Variants in SF3A2 observed in about 807,000 individuals in gnomAD.
SF3A2 encodes the protein splicing factor 3a subunit 2, also known as SAP 62.
SF3A2 carries 5 observed loss-of-function variants against 31.1 expected under a neutral mutation model. That is an observed-to-expected ratio of 0.16 (90% CI 0.08 to 0.34). SF3A2 has a LOEUF of 0.34. SF3A2 is among the 10% of genes least tolerant of loss of function. The pLI, the probability that SF3A2 is intolerant of heterozygous loss-of-function variation, is 1.00. For synonymous variants in SF3A2, 365 were observed against 263.7 expected, an observed-to-expected ratio of 1.38 and a Z score of -3.72; for missense variants, 577 against 643.9, an observed-to-expected ratio of 0.90 and a Z score of 1.13.
chr19:2,246,775 G>C lies in SF3A2; in HGVS notation c.378G>C (p.Glu126Asp). The change falls in exon 6 of 9, where the codon GAG becomes GAC. Residue 126 changes from glutamate to aspartate, a missense_variant. Transcript: ENST00000221494. The surrounding 1 kb of genome is among the most constrained non-coding windows in gnomAD (Gnocchi z 5.5). ...CAGTGACCAAGCAGAGAGACTCGGA[G>C]ATGGGCCAGCAGAGCCTCCTCTTCC... The part of the protein sequence containing the change: ...GYKVTKQRDS[E>D]MGQQSLLFQI... 2 of 1,614,000 alleles carry C rather than the reference G, an allele frequency of 1.2e-6. No individual in the cohort carries two copies. The highest frequency in any genetic ancestry group is 1.7e-6 in the Non-Finnish European group (2 of 1,179,984).
rs1248288350 is a variant in SF3A2, at chr19:2,245,694, C to G, written c.355+139C>G. The G allele has an allele frequency of 1.5e-6, 1 of 666,592 alleles. No individual in the cohort carries two copies. Among genetic ancestry groups the G allele is most frequent in the Non-Finnish European group, 2.7e-6 (1 of 371,972 alleles). The allele number at this position is 666,592 out of a possible 1,614,324, so 41.3% of individuals were successfully genotyped here. A position where few individuals can be genotyped will look rare whatever the true frequency, so the allele number is the denominator to read the frequency against. On this transcript the variant is annotated intron_variant, in intron 5 of 8. Coordinates refer to ENST00000221494, the MANE Select transcript of SF3A2 (RefSeq NM_007165.5). This position sits in a 1 kb window ranked among gnomAD's most constrained non-coding sequence, Gnocchi z 4.2. ...TCCGGCCTTGGTGGCCGTCCCTCACCCACCTGCAGCCTCTGGCGTTGTGTC... is the reference window on the plus strand; with the variant it reads ...TCCGGCCTTGGTGGCCGTCCCTCACGCACCTGCAGCCTCTGGCGTTGTGTC...
Position 2,248,644 on chromosome 19 carries a change from C to T in SF3A2, c.*98C>T. On this transcript the variant is annotated 3_prime_UTR_variant, in exon 9 of 9. Coordinates refer to ENST00000221494, the MANE Select transcript of SF3A2 (RefSeq NM_007165.5). ...TTTGTACTGCCCCCCGCTCATTAAA[C>T]AGCCTCCCCCAGCCCTGAGTGCACT... 1 of 409,962 alleles carries T rather than the reference C, an allele frequency of 2.4e-6. No individual in the cohort carries two copies. The highest frequency in any genetic ancestry group is 9.5e-5 in the South Asian group (1 of 10,580). 25.4% of individuals were successfully genotyped at this position (409,962 alleles called of 1,614,324 possible).
intron 1 of SF3A2, among the ~76,000 whole-genome samples, chr19:2,240,938 C>T (rs1029956088): frequency 1.3e-5 from 2 of 152,216 alleles, no homozygotes; most frequent in African/African-American, 2.4e-5. Context: ...TCCTCCTGGG[C>T]CCTGGGTCCT....
At position 2,243,435 on chromosome 19, in the gene SF3A2, G is replaced by A; in HGVS notation, c.17G>A (p.Arg6His). The change falls in exon 2 of 9, where the codon CGC (arginine) becomes CAC (histidine). Residue 6 changes from arginine to histidine, a missense_variant. By Grantham distance (29) the Arg-to-His change is conservative (BLOSUM62 0). This residue lies in a region of SF3A2 where 40 missense variants were observed against 50.0 expected (regional missense o/e 0.80). Coordinates refer to ENST00000221494, the MANE Select transcript of SF3A2 (RefSeq NM_007165.5). ...GCCATCACCATGGACTTCCAGCATC[G>A]CCCCGGGGGCAAGACCGGGAGCGGG... is the stretch of plus-strand genomic sequence containing the variant. MDFQH[R>H]PGGKTGSGGV... The A allele has an allele frequency of 6.5e-7, 1 of 1,544,768 alleles. No homozygotes were observed. Among genetic ancestry groups the A allele is most frequent in the Non-Finnish European group, 8.7e-7 (1 of 1,152,160 alleles).
chr19:2,247,507 G>A (rs1599654730), intron 7 of SF3A2, 87 bp from the exon 8 acceptor site: 7 of 1,365,820 alleles, frequency 5.1e-6, no homozygotes, highest in Non-Finnish European at 7.3e-6. Flanking sequence ...AGTCCGGGCT[G>A]GGGAGGCTAG....
Position 2,246,832 on chromosome 19 carries a change from G to A in SF3A2, c.405+30G>A, listed in dbSNP as rs372297343. 41 of 1,613,444 alleles carry A rather than the reference G, an allele frequency of 2.5e-5. No individual in the cohort carries two copies. Among genetic ancestry groups the A allele is most frequent in the African/African-American group, 8.0e-5 (6 of 74,896 alleles). On this transcript the variant is annotated intron_variant, in intron 6 of 8. Transcript: ENST00000221494. This position sits in a 1 kb window ranked among gnomAD's most constrained non-coding sequence, Gnocchi z 5.5. ...GATCAGGGACTTGGGCGTGGGGGGC[G>A]GCCAAAGGCACCCAAGAGGCGGCTC...
Position 2,248,105 on chromosome 19 carries a change from A to T in SF3A2, c.954A>T (p.Pro318=), listed in dbSNP as rs1240696629. The change falls in exon 9 of 9, where the codon CCA becomes CCT. Residue 318 remains proline, a synonymous_variant. Coordinates refer to ENST00000221494, the MANE Select transcript of SF3A2 (RefSeq NM_007165.5). ...CCCCAGCTCCTGGCGTCCATCCCCC[A>T]GCCCCTGGGGTCCACCCACCAACCT... ...VHPPAPGVHP[P]APGVHPPTSG... 6 of 1,052,674 alleles carry T rather than the reference A, an allele frequency of 5.7e-6. No homozygotes were observed. The highest frequency in any genetic ancestry group is 6.8e-6 in the Non-Finnish European group (5 of 732,606). The allele number at this position is 1,052,674 out of a possible 1,614,324, so 65.2% of individuals were successfully genotyped here.
rs1160465749 is a variant in SF3A2, at chr19:2,248,297, AGCCCCCGCCGTTCACCCTCAG to A, written c.1152_1172del (p.Ala385_Pro391del). ...CCCAGGCCCCGGGGGTGCACCCAGC[AGCCCCCGCCGTTCACCCTCAG>A]GCCCCAGGGGTGCACCCACCAGCCC... On this transcript the variant is annotated inframe_deletion, in exon 9 of 9. Transcript: ENST00000221494. 1.5e-6 allele frequency: 2 copies of A among 1,314,210 alleles called. No individual in the cohort carries two copies. Among genetic ancestry groups the A allele is most frequent in the African/African-American group, 3.5e-5 (2 of 57,632 alleles). The allele number at this position is 1,314,210 out of a possible 1,614,324, so 81.4% of individuals were successfully genotyped here. A position where few individuals can be genotyped will look rare whatever the true frequency, so the allele number is the denominator to read the frequency against.
chr19:2,237,596 GAAAC>G (rs2024842104), intron 1 of SF3A2: 1 of 152,120 alleles, frequency 6.6e-6, no homozygotes, highest in African/African-American at 2.4e-5. Flanking sequence ...AAATAAAAAA[GAAAC>G]AACCAAGATT....
At chr19:2,242,866 T>G (rs1249432079) in intron 1 of SF3A2, among the ~76,000 whole-genome samples, 1 of 152,134 alleles carries the variant, frequency 6.6e-6, no homozygotes, top group African/African-American at 2.4e-5. Flanking sequence ...GATGCGAAGA[T>G]CAGTGTCCTC....
chr19:2,247,738 G>T, intron 8 of SF3A2, 29 bp from the exon 9 acceptor site: 1 of 1,611,598 alleles, frequency 6.2e-7, no homozygotes, highest in Non-Finnish European at 8.5e-7. Flanking sequence ...CCCCACCCGT[G>T]CCTGCTGAAC....
At chr19:2,240,516 G>A (rs1159696859) in intron 1 of SF3A2, among the ~76,000 whole-genome samples, 2 of 152,222 alleles carry the variant, frequency 1.3e-5, no homozygotes, top group Non-Finnish European at 2.9e-5. Context: ...CTGGTTTTCG[G>A]ATCAGAGCTT....
At chr19:2,236,998 G>C (rs2024828616) in intron 1 of SF3A2, 97 bp downstream of exon 1, 1 of 151,930 alleles carries the variant, frequency 6.6e-6, no homozygotes, top group Non-Finnish European at 1.5e-5. Flanking sequence ...GACAGGCCGC[G>C]GGCCGAGGGT....
In SF3A2 at chr19:2,248,150, T is replaced by A; in HGVS notation, c.999T>A (p.Ala333=). 8.0e-7 allele frequency: 1 copy of A among 1,257,428 alleles called. No individual in the cohort carries two copies. Among genetic ancestry groups the A allele is most frequent in the Non-Finnish European group, 1.1e-6 (1 of 923,354 alleles). 77.9% of individuals were successfully genotyped at this position (1,257,428 alleles called of 1,614,324 possible). The change falls in exon 9 of 9, where the codon GCT becomes GCA. Residue 333 remains alanine (A), a synonymous_variant. Coordinates refer to ENST00000221494, the MANE Select transcript of SF3A2 (RefSeq NM_007165.5). ...HPPTSGVHPP[A]PGVHPPAPGV... ...CAACCTCTGGGGTCCACCCCCCAGC[T>A]CCTGGAGTCCACCCTCCAGCCCCCG...
intron 4 of SF3A2, 101 bp downstream of exon 4, chr19:2,244,880 C>G: frequency 8.8e-7 from 1 of 1,136,082 alleles, no homozygotes; most frequent in South Asian, 1.3e-5. Context: ...GGGAGCCAGC[C>G]TGGCCTGAGC....
chr19:2,248,057 TCC>T lies in SF3A2; in HGVS notation c.910_911del (p.Pro304SerfsTer?). ...TGCATCCCCCTGCATCTGGGGTCCA[TCC>T]CCCAGCTCCTGGCGTCCACCCCCCA... ...VVHPPASGVH[P>X]PAPGVHPPAP... On this transcript the variant is annotated frameshift_variant, in exon 9 of 9. Transcript: ENST00000221494. LOFTEE classifies it low-confidence loss of function (END_TRUNC). 1 of 852,328 alleles carries T rather than the reference TCC, an allele frequency of 1.2e-6. No homozygotes were observed. Among genetic ancestry groups the T allele is most frequent in the Non-Finnish European group, 1.8e-6 (1 of 550,898 alleles). The allele number at this position is 852,328 out of a possible 1,614,324, so 52.8% of individuals were successfully genotyped here. A position where few individuals can be genotyped will look rare whatever the true frequency, so the allele number is the denominator to read the frequency against.
chr19:2,247,546 C>T (rs953778349), intron 7 of SF3A2, 48 bp from the exon 8 acceptor site: 1 of 1,600,142 alleles, frequency 6.2e-7, no homozygotes, highest in African/African-American at 1.3e-5. Flanking sequence ...TGATGGTCGC[C>T]CTGAGGTCAC....
intron 1 of SF3A2, among the ~76,000 whole-genome samples, chr19:2,238,206 T>G (rs2024854343): frequency 6.6e-6 from 1 of 152,200 alleles, no homozygotes. Context: ...GTATTTTTTG[T>G]AGAGACGAGG....
chr19:2,243,451 C>A lies in SF3A2; in HGVS notation c.33C>A (p.Thr11=). The A allele has an allele frequency of 6.4e-7, 1 of 1,554,538 alleles. No homozygotes were observed. Among genetic ancestry groups the A allele is most frequent in the Non-Finnish European group, 8.6e-7 (1 of 1,156,786 alleles). ...TCCAGCATCGCCCCGGGGGCAAGAC[C>A]GGGAGCGGGGGCGTGGCCTCCTCCT... The part of the protein sequence containing the change: MDFQHRPGGK[T]GSGGVASSSE... The change falls in exon 2 of 9, where the codon ACC becomes ACA. Residue 11 remains threonine, a synonymous_variant. Coordinates refer to ENST00000221494, the MANE Select transcript of SF3A2 (RefSeq NM_007165.5).
Sources: gnomAD v4.1 joint callset for allele counts (sites outside exome capture counted in the v4.1 genomes callset) on GRCh38, gnomAD v4.1.1 for gene constraint, gnomAD v4.1.1 regional missense constraint, Gnocchi (gnomAD v3.1) non-coding constraint, MANE v1.5 for transcripts, NCBI Gene and HGNC (gene_info 2026-07-23, HGNC 2026-07-21) for gene names.